Variants in FAM171A1 observed in about 807,000 individuals in gnomAD.
FAM171A1 encodes family with sequence similarity 171 member A1, also known as protein FAM171A1.
A neutral mutation model predicts 74.9 loss-of-function variants in FAM171A1; 23 were observed. The observed-to-expected ratio is 0.31, with a 90% CI of 0.22 to 0.44. The LOEUF (loss-of-function observed/expected upper bound fraction) is 0.44. Ranked by LOEUF, FAM171A1 falls within the 20% of genes least tolerant of loss-of-function variation. The pLI is 1.00. For synonymous variants in FAM171A1, 527 were observed against 505.7 expected (o/e 1.04, Z -0.57); for missense variants, 1,162 against 1,159.2 (o/e 1.00, Z -0.03).
Position 15,344,982 on chromosome 10 carries a change from C to T in FAM171A1, c.97+25974G>A, listed in dbSNP as rs143100064. Among the ~76,000 whole-genome samples the T allele has an allele frequency of 6.5e-3, 989 of 152,318 alleles. 5 individuals carry two copies. Among genetic ancestry groups the T allele is most frequent in the Non-Finnish European group, 0.011 (753 of 68,034 alleles). On this transcript the variant is annotated intron_variant, in intron 1 of 7. Coordinates refer to ENST00000378116, the MANE Select transcript of FAM171A1 (RefSeq NM_001010924.2). ...AGAAAGGAAACACAGCTGAGCAAAT[C>T]GATGGAACAAAGGAAGCATTCAACT... is the stretch of plus-strand genomic sequence containing the variant.
chr10:15,315,985 T>G (rs1835417505), intron 1 of FAM171A1, among the ~76,000 whole-genome samples: 1 of 152,204 alleles, frequency 6.6e-6, no homozygotes, highest in African/African-American at 2.4e-5. Context: ...CAGGTGTGTT[T>G]TTTTCTGCAA....
intron 1 of FAM171A1, among the ~76,000 whole-genome samples, chr10:15,289,074 G>A (rs1438443082): frequency 6.6e-6 from 1 of 151,998 alleles, no homozygotes; most frequent in Non-Finnish European, 1.5e-5. Context: ...TGCCTGCCTT[G>A]GCCTCCCAAA....
At position 15,214,225 on chromosome 10, in the gene FAM171A1, T is replaced by C. The variant is rs1833936214; in HGVS notation, c.1363A>G (p.Lys455Glu). 1 of 1,614,184 alleles carries C rather than the reference T, an allele frequency of 6.2e-7. No individual in the cohort carries two copies. The highest frequency in any genetic ancestry group is 8.5e-7 in the Non-Finnish European group (1 of 1,180,022). The change falls in exon 8 of 8, where the codon AAA becomes GAA. Residue 455 changes from lysine (K) to glutamate (E), a missense_variant. Coordinates refer to ENST00000378116, the MANE Select transcript of FAM171A1 (RefSeq NM_001010924.2). The part of the protein sequence containing the change: ...DNLTPSGTLG[K>E]DYHKSVEVFP... ...ACCTCCACTGACTTATGGTAGTCTTTCCCCAGCGTCCCACTTGGAGTGAGG... is the reference window on the plus strand; with the variant it reads ...ACCTCCACTGACTTATGGTAGTCTTCCCCCAGCGTCCCACTTGGAGTGAGG...
At chr10:15,281,262 G>GT (rs964063704) in intron 2 of FAM171A1, among the ~76,000 whole-genome samples, 2 of 152,170 alleles carry the variant, frequency 1.3e-5, no homozygotes, top group Admixed American at 1.3e-4. Context: ...CTGTGGGCCA[G>GT]TTACACTTCT....
intron 2 of FAM171A1, among the ~76,000 whole-genome samples, chr10:15,278,892 C>T (rs911897682): frequency 1.3e-5 from 2 of 152,168 alleles, no homozygotes; most frequent in African/African-American, 2.4e-5. Context: ...ATCAGCGATC[C>T]TTTCACCTAA....
At chr10:15,273,351 G>A (rs907767464) in intron 3 of FAM171A1, among the ~76,000 whole-genome samples, 4 of 152,156 alleles carry the variant, frequency 2.6e-5, no homozygotes, top group Non-Finnish European at 5.9e-5. Flanking sequence ...CGAAGAAGTT[G>A]AATCCCTGAA....
intron 1 of FAM171A1, among the ~76,000 whole-genome samples, chr10:15,368,961 G>T (rs1450413512): frequency 8.5e-5 from 13 of 152,106 alleles, no homozygotes. Flanking sequence ...TGGGCTCAAG[G>T]CTTTAAAAAG....
intron 1 of FAM171A1, among the ~76,000 whole-genome samples, chr10:15,355,757 G>A (rs773436379): frequency 3.3e-5 from 5 of 151,744 alleles, no homozygotes; most frequent in Non-Finnish European, 5.9e-5. Flanking sequence ...AAGTAAAGAG[G>A]GAACAGGCAT....
At chr10:15,345,147 C>T (rs1835804392) in intron 1 of FAM171A1, among the ~76,000 whole-genome samples, 1 of 152,196 alleles carries the variant, frequency 6.6e-6, no homozygotes, top group Non-Finnish European at 1.5e-5. Context: ...GGGGAAGACA[C>T]ACAGTAGAAC....
intron 5 of FAM171A1, among the ~76,000 whole-genome samples, chr10:15,228,807 T>G (rs1834143699): frequency 6.6e-6 from 1 of 152,212 alleles, no homozygotes; most frequent in Admixed American, 6.5e-5. Context: ...CCTAGTCGTG[T>G]GCGCTGAGGA....
intron 1 of FAM171A1, among the ~76,000 whole-genome samples, chr10:15,292,985 A>G (rs1383064778): frequency 2.0e-5 from 3 of 152,166 alleles, no homozygotes; most frequent in Admixed American, 2.0e-4. Context: ...GCCTCACCCC[A>G]AATTTCTGAT....
intron 1 of FAM171A1, among the ~76,000 whole-genome samples, chr10:15,345,754 C>G (rs1023448313): frequency 6.6e-6 from 1 of 152,136 alleles, no homozygotes; most frequent in Non-Finnish European, 1.5e-5. Flanking sequence ...AAAAAACATA[C>G]AGGTTCCTGG....
intron 1 of FAM171A1, among the ~76,000 whole-genome samples, chr10:15,299,343 C>A (rs765694519): frequency 9.9e-5 from 15 of 152,202 alleles, no homozygotes; most frequent in Non-Finnish European, 1.8e-4. Flanking sequence ...ATGTACACAC[C>A]TTTGCCAGCT....
At chr10:15,364,377 AG>A (rs1459506896) in intron 1 of FAM171A1, among the ~76,000 whole-genome samples, 1 of 152,098 alleles carries the variant, frequency 6.6e-6, no homozygotes, top group African/African-American at 2.4e-5. Context: ...GGTGTCCTTG[AG>A]GTGGTCCCCA....
At chr10:15,219,784 G>A (rs752753421) in intron 6 of FAM171A1, among the ~76,000 whole-genome samples, 12 of 152,176 alleles carry the variant, frequency 7.9e-5, no homozygotes, top group East Asian at 1.9e-4. Flanking sequence ...GTTTCACCAT[G>A]TTAGCCAGGA....
chr10:15,338,283 G>A (rs1162666108), intron 1 of FAM171A1, among the ~76,000 whole-genome samples: 1 of 152,136 alleles, frequency 6.6e-6, no homozygotes, highest in Non-Finnish European at 1.5e-5. Context: ...ATCAAACCGG[G>A]AAGAGTTGAG....
intron 1 of FAM171A1, among the ~76,000 whole-genome samples, chr10:15,315,103 A>T (rs1835406703): frequency 6.6e-6 from 1 of 152,222 alleles, no homozygotes; most frequent in African/African-American, 2.4e-5. Flanking sequence ...CATCCATTTT[A>T]ATGAAGTGTA....
At chr10:15,269,226 G>A (rs188674669) in intron 3 of FAM171A1, among the ~76,000 whole-genome samples, 1 of 152,120 alleles carries the variant, frequency 6.6e-6, no homozygotes, top group Admixed American at 6.5e-5. Context: ...TAATCCTCCT[G>A]TCTCAGTCTC....
At chr10:15,276,609 C>G (rs1465096226) in intron 2 of FAM171A1, among the ~76,000 whole-genome samples, 2 of 152,192 alleles carry the variant, frequency 1.3e-5, no homozygotes, top group African/African-American at 2.4e-5. Flanking sequence ...AAATACGTGT[C>G]TAGGTTAATG....
Sources: gnomAD v4.1 joint callset for allele counts (sites outside exome capture counted in the v4.1 genomes callset) on GRCh38, gnomAD v4.1.1 for gene constraint, MANE v1.5 for transcripts, NCBI Gene and HGNC (gene_info 2026-07-23, HGNC 2026-07-21) for gene names.